The following MELTF variants were observed in gnomAD, a reference collection of about 807,000 sequenced individuals.
MELTF encodes the protein melanotransferrin, also known as antigen p97 (melanoma associated) identified by monoclonal antibodies 133.2 and 96.5.
Under a neutral mutation model 83.7 loss-of-function variants are expected in MELTF, and 67 were observed. That is an observed-to-expected ratio of 0.80 (90% confidence interval 0.66 to 0.98). The LOEUF is 0.98. Ranked by LOEUF, MELTF falls within the 50% of genes least tolerant of loss-of-function variation. MELTF has a pLI of 0.00. For missense variants in MELTF, 1,002 were observed against 1,035.6 expected (o/e 0.97, Z 0.44); for synonymous variants, 462 against 447.6 (o/e 1.03, Z -0.41).
rs779573004 is a variant in MELTF, at chr3:197,003,958, C to T, written c.2080G>A (p.Gly694Arg). 3 of 1,614,004 alleles carry T rather than the reference C, an allele frequency of 1.9e-6. No individual in the cohort carries two copies. In the South Asian group the frequency reaches 3.3e-5, roughly 18 times the overall value. ...GEKTTYRGWL[G>R]LDYVAALEGM... is the part of the protein sequence containing the mutation. ...TCCAGCGCCGCCACGTAGTCCAGCC[C>T]CAGCCAGCCGCGGTAGGTGGTTTTC... is the stretch of plus-strand genomic sequence containing the variant. Residue 694 changes from glycine to arginine, a missense_variant, in exon 15 of 16, where the codon GGG becomes AGG. Transcript: ENST00000296350. This position sits in a 1 kb window ranked among gnomAD's most constrained non-coding sequence, Gnocchi z 6.2.
At position 197,009,712 on chromosome 3, in the gene MELTF, G is replaced by C. The variant is rs745379113; in HGVS notation, c.1431C>G (p.His477Gln). 238 of 1,613,568 alleles carry C rather than the reference G, an allele frequency of 1.5e-4. No homozygotes were observed. Among genetic ancestry groups the C allele is most frequent in the Non-Finnish European group, 1.9e-4 (226 of 1,180,036 alleles). The stretch of plus-strand genomic sequence containing the variant: ...AGCCTGCAGGGCTGCCGAAACCGGC[G>C]TGGCAGGAGCGCTTGCCCCGAAGCT... The part of the protein sequence containing the change: ...LDELRGKRSC[H>Q]AGFGSPAGWD... Residue 477 changes from histidine (H) to glutamine (Q), a missense_variant, in exon 11 of 16, where the codon CAC becomes CAG. His to Gln is a conservative substitution (Grantham distance 24). Coordinates refer to ENST00000296350, the MANE Select transcript of MELTF (RefSeq NM_005929.6).
chr3:197,010,722 G>C lies in MELTF; in HGVS notation c.1306C>G (p.Pro436Ala), dbSNP rs746238789. The change falls in exon 10 of 16, where the codon CCC becomes GCC. Residue 436 changes from proline (P) to alanine (A), a missense_variant. By Grantham distance (27) the Pro-to-Ala change is conservative (BLOSUM62 -1). Transcript: ENST00000296350. Reference sequence around the variant, plus strand: ...CGGGCATAGTGCTCCCCGGCTGCGGGAACCAGGCCGTACGTCTTCCCCGCC... The same window carrying C: ...CGGGCATAGTGCTCCCCGGCTGCGGCAACCAGGCCGTACGTCTTCCCCGCC... Reference protein sequence around the residue: ...YTAGKTYGLVPAAGEHYAPED... With the variant: ...YTAGKTYGLVAAAGEHYAPED... The C allele has an allele frequency of 8.7e-6, 14 of 1,613,296 alleles. No individual in the cohort carries two copies. Among genetic ancestry groups the C allele is most frequent in the Non-Finnish European group, 3.4e-6 (4 of 1,179,938 alleles).
At position 197,015,449 on chromosome 3, in the gene MELTF, G is replaced by A. The variant is rs751891611; in HGVS notation, c.1149C>T (p.Ala383=). The A allele has an allele frequency of 3.7e-6, 6 of 1,608,276 alleles. No individual in the cohort carries two copies. The highest frequency in any genetic ancestry group is 1.1e-5 in the South Asian group (1 of 89,852). Reference sequence around the variant, plus strand: ...TGAGCCGCTGCCGGCGGAAGGCCACGGCCATGTCTCCACACTTCTGGATCT... The same window carrying A: ...TGAGCCGCTGCCGGCGGAAGGCCACAGCCATGTCTCCACACTTCTGGATCT... ...TPEIQKCGDM[A]VAFRRQRLKP... is the part of the protein sequence containing the mutation. The change falls in exon 9 of 16, where the codon GCC becomes GCT. Residue 383 remains alanine (A), a synonymous_variant. Coordinates refer to ENST00000296350, the MANE Select transcript of MELTF (RefSeq NM_005929.6).
At chr3:197,009,857 C>T (rs746548355) in intron 10 of MELTF, 45 bp from the exon 11 acceptor site, 1 of 1,560,368 alleles carries the variant, frequency 6.4e-7, no homozygotes. Context: ...ATCTGAGAGC[C>T]CGGGCAAGTG....
rs1718843056 is a variant in MELTF at position 197,003,514 on chromosome 3, C to T, written c.2138-63G>A. The T allele has an allele frequency of 3.3e-5, 4 of 121,966 alleles. No homozygotes were observed. Among genetic ancestry groups the T allele is most frequent in the Non-Finnish European group, 5.1e-5 (4 of 78,418 alleles). 7.6% of individuals were successfully genotyped at this position (121,966 alleles called of 1,614,324 possible). ...GGCCGCGGTGGCCGCCTCAGGCGCC[C>T]GCTCTGGGGTGGGGGTGGGGGCATC... On this transcript the variant is annotated intron_variant, in intron 15 of 15. Coordinates refer to ENST00000296350, the MANE Select transcript of MELTF (RefSeq NM_005929.6). The surrounding 1 kb of genome is among the most constrained non-coding windows in gnomAD (Gnocchi z 6.2).
At chr3:197,021,211 C>A in intron 6 of MELTF, 193 bp downstream of exon 6, 1 of 585,694 alleles carries the variant, frequency 1.7e-6, no homozygotes, top group Admixed American at 3.0e-5. Context: ...CCACTGGTGA[C>A]ACCTGCCTCT....
At chr3:197,021,519 G>T (rs1343673043) in intron 5 of MELTF, 48 bp from the exon 6 acceptor site, 1 of 1,571,748 alleles carries the variant, frequency 6.4e-7, no homozygotes, top group Non-Finnish European at 8.7e-7. Context: ...CCCTGCCCCT[G>T]CCCATCTTCC....
intron 6 of MELTF, chr3:197,019,711 G>A: frequency 6.2e-7 from 1 of 1,613,912 alleles, no homozygotes; most frequent in East Asian, 2.2e-5. Flanking sequence ...CCCAGCACTA[G>A]AGCGCATCGT....
Position 197,003,892 on chromosome 3 carries a change from C to T in MELTF, c.2137+9G>A. On this transcript the variant is annotated intron_variant, in intron 15 of 15. Transcript: ENST00000296350. This position sits in a 1 kb window ranked among gnomAD's most constrained non-coding sequence, Gnocchi z 6.2. Reference sequence around the variant, plus strand: ...CACCAGGGGAGGCGGCAGGGCGGGCCTGTCCTACCTGCGCCCGAGCACTGC... The same window carrying T: ...CACCAGGGGAGGCGGCAGGGCGGGCTTGTCCTACCTGCGCCCGAGCACTGC... 6.2e-7 allele frequency: 1 copy of T among 1,612,374 alleles called. No homozygotes were observed. Among genetic ancestry groups the T allele is most frequent in the Non-Finnish European group, 8.5e-7 (1 of 1,179,466 alleles).
At chr3:197,004,445 TG>T in intron 14 of MELTF, 1 of 361,464 alleles carries the variant, frequency 2.8e-6, no homozygotes, top group Non-Finnish European at 5.2e-6. Context: ...CTAGGCCTGC[TG>T]AGCACTTCTT....
At position 197,024,457 on chromosome 3, in the gene MELTF, A is replaced by C. The variant is rs758338197; in HGVS notation, c.333T>G (p.Ala111=). The change falls in exon 4 of 16, where the codon GCT becomes GCG. Residue 111 remains alanine (A), a synonymous_variant. Coordinates refer to ENST00000296350, the MANE Select transcript of MELTF (RefSeq NM_005929.6). This position sits in a 1 kb window ranked among gnomAD's most constrained non-coding sequence, Gnocchi z 5.3. ...TCACATGGGAGCTCCTCCTGACCAC[A>C]GCCACGGCGTAATAGGAGGTACCGA... ...QEVGTSYYAV[A]VVRRSSHVTI... The C allele has an allele frequency of 1.2e-6, 2 of 1,601,202 alleles. No homozygotes were observed. Among genetic ancestry groups the C allele is most frequent in the Non-Finnish European group, 1.7e-6 (2 of 1,171,352 alleles).
At chr3:197,019,575 A>T (rs1331529113) in intron 6 of MELTF, 1 of 1,581,442 alleles carries the variant, frequency 6.3e-7, no homozygotes. Context: ...CCCATCTCAA[A>T]AAAAACCCCA....
At position 197,019,410 on chromosome 3, in the gene MELTF, T is replaced by TA. The variant is rs1196268006; in HGVS notation, c.712+1993dup. 9.0e-6 allele frequency: 12 copies of TA among 1,333,730 alleles called. No homozygotes were observed. In the African/African-American group the frequency reaches 1.6e-4, roughly 18 times the overall value. 82.6% of individuals were successfully genotyped at this position (1,333,730 alleles called of 1,614,324 possible). ...ACCAATCTTTCTGTATAAAGTCACTTAAAAAATGACTCCCTTAGATTGCCT... is the reference window on the plus strand; with the variant it reads ...ACCAATCTTTCTGTATAAAGTCACTTAAAAAAATGACTCCCTTAGATTGCCT... On this transcript the variant is annotated intron_variant, in intron 6 of 15. Transcript: ENST00000296350.
At chr3:197,004,204 G>A (rs906272740) in intron 14 of MELTF, 105 bp from the exon 15 acceptor site, 21 of 1,078,190 alleles carry the variant, frequency 1.9e-5, no homozygotes, top group Non-Finnish European at 3.0e-5. Context: ...GACCCAAAGA[G>A]CAAGTCATTT....
Position 197,024,027 on chromosome 3 carries a change from A to C in MELTF, c.487+276T>G. 1.6e-6 allele frequency: 1 copy of C among 638,456 alleles called. No homozygotes were observed. Among genetic ancestry groups the C allele is most frequent in the Non-Finnish European group, 2.9e-6 (1 of 343,818 alleles). The allele number at this position is 638,456 out of a possible 1,614,324, so 39.5% of individuals were successfully genotyped here. A position where few individuals can be genotyped will look rare whatever the true frequency, so the allele number is the denominator to read the frequency against. ...CTGGGAGATTCACTGCTTCCCACTC[A>C]TGGGCTGGGCCTGTGCCTGGCTGTG... is the stretch of plus-strand genomic sequence containing the variant. On this transcript the variant is annotated intron_variant, in intron 4 of 15. Coordinates refer to ENST00000296350, the MANE Select transcript of MELTF (RefSeq NM_005929.6). The surrounding 1 kb of genome is among the most constrained non-coding windows in gnomAD (Gnocchi z 5.3).
Position 197,023,529 on chromosome 3 carries a change from C to T in MELTF, c.488-416G>A, listed in dbSNP as rs538536207. Reference sequence around the variant, plus strand: ...CTCACGGCACAGGGAGGGAGGCACACGCCCGGCGGCCAGCCTCACGGGGGA... The same window carrying T: ...CTCACGGCACAGGGAGGGAGGCACATGCCCGGCGGCCAGCCTCACGGGGGA... On this transcript the variant is annotated intron_variant, in intron 4 of 15. Transcript: ENST00000296350. Among the ~76,000 whole-genome samples, 35 of 152,306 alleles carry T rather than the reference C, an allele frequency of 2.3e-4. No homozygotes were observed. The South Asian group carries it at 3.9e-3, about 17-fold the overall frequency.
At position 197,003,219 on chromosome 3, in the gene MELTF, G is replaced by C. The variant is rs1375978691; in HGVS notation, c.*153C>G. 1 of 863,504 alleles carries C rather than the reference G, an allele frequency of 1.2e-6. No individual in the cohort carries two copies. The highest frequency in any genetic ancestry group is 1.4e-6 in the Non-Finnish European group (1 of 712,624). The allele number at this position is 863,504 out of a possible 1,614,324, so 53.5% of individuals were successfully genotyped here. On this transcript the variant is annotated 3_prime_UTR_variant, in exon 16 of 16. Transcript: ENST00000296350. The surrounding 1 kb of genome is among the most constrained non-coding windows in gnomAD (Gnocchi z 6.2). ...GGCGGCGCCTCAGGTAGCAGCGCCAGGTGGCGCCCGTGGGCGGCGGGGCTC... is the reference window on the plus strand; with the variant it reads ...GGCGGCGCCTCAGGTAGCAGCGCCACGTGGCGCCCGTGGGCGGCGGGGCTC...
At position 197,004,076 on chromosome 3, in the gene MELTF, A is replaced by T; in HGVS notation, c.1962T>A (p.Asn654Lys). ...KAQDLFGDDH[N>K]KNGFKMFDSS... Reference sequence around the variant, plus strand: ...AGTCGAACATTTTGAACCCGTTCTTATTGTGGTCGTCTCCAAACAGGTCCT... The same window carrying T: ...AGTCGAACATTTTGAACCCGTTCTTTTTGTGGTCGTCTCCAAACAGGTCCT... Residue 654 changes from asparagine to lysine, a missense_variant, in exon 15 of 16, where the codon AAT becomes AAA. Transcript: ENST00000296350. The T allele has an allele frequency of 6.2e-7, 1 of 1,614,094 alleles. No individual in the cohort carries two copies. Among genetic ancestry groups the T allele is most frequent in the South Asian group, 1.1e-5 (1 of 91,084 alleles).
At chr3:197,015,223 C>T in intron 9 of MELTF, 142 bp downstream of exon 9, 1 of 1,099,158 alleles carries the variant, frequency 9.1e-7, no homozygotes, top group South Asian at 1.6e-5. Context: ...CCTGCGGTCG[C>T]TCCTCCCCAC....
Sources: allele counts gnomAD v4.1 joint callset (sites outside exome capture counted in the v4.1 genomes callset), GRCh38; gene constraint gnomAD v4.1.1; non-coding constraint Gnocchi (gnomAD v3.1); transcripts MANE v1.5; gene names NCBI Gene and HGNC (gene_info 2026-07-23, HGNC 2026-07-21).